DCTN5: variants seen among roughly 807,000 people sequenced by gnomAD.
DCTN5 encodes dynactin subunit 5.
In DCTN5, 14 loss-of-function variants were observed where a neutral mutation model predicts 23.5. That is an observed-to-expected ratio of 0.60 (90% CI 0.39 to 0.93). DCTN5 has a LOEUF of 0.93. Among genes scored for constraint, DCTN5 ranks in the 40% least tolerant of loss-of-function variants. DCTN5 has a pLI of 0.00. For missense variants in DCTN5, 156 were observed against 225.9 expected (o/e 0.69, Z 1.98); for synonymous variants, 67 against 79.6 (o/e 0.84, Z 0.84).
intron 5 of DCTN5, 63 bp downstream of exon 5, chr16:23,665,791 C>T: frequency 7.5e-7 from 1 of 1,328,540 alleles, no homozygotes; most frequent in Non-Finnish European, 1.1e-6. Context: ...TTTTCCATCG[C>T]AAAAGTAATG....
chr16:23,645,111 A>T (rs530522617), intron 2 of DCTN5, among the ~76,000 whole-genome samples: 1 of 34,104 alleles, frequency 2.9e-5, no homozygotes, highest in Non-Finnish European at 5.5e-5. Context: ...ATATATATAT[A>T]TATATATATA....
At chr16:23,660,442 G>C (rs936536355) in intron 3 of DCTN5, among the ~76,000 whole-genome samples, 1 of 152,170 alleles carries the variant, frequency 6.6e-6, no homozygotes, top group African/African-American at 2.4e-5. Context: ...GACATTTGAG[G>C]AACCCTAGAG....
At chr16:23,666,901 AAGCACT>A in intron 5 of DCTN5, 140 bp from the exon 6 acceptor site, 1 of 1,309,456 alleles carries the variant, frequency 7.6e-7, no homozygotes, top group Non-Finnish European at 1.0e-6. Context: ...TGTTCTTAGC[AAGCACT>A]GGACCAGAAC....
rs1450341376 is a variant in DCTN5, at chr16:23,667,080, A to C, written c.485A>C (p.Gln162Pro). The C allele has an allele frequency of 6.2e-7, 1 of 1,613,676 alleles. No individual in the cohort carries two copies. The highest frequency in any genetic ancestry group is 8.5e-7 in the Non-Finnish European group (1 of 1,180,020). The change falls in exon 6 of 6, where the codon CAG becomes CCG. Residue 162 changes from glutamine (Q) to proline (P), a missense_variant. This residue lies in a region of DCTN5 where 153 missense variants were observed against 206.8 expected (regional missense o/e 0.74). Coordinates refer to ENST00000300087, the MANE Select transcript of DCTN5 (RefSeq NM_032486.4). Reference protein sequence around the residue: ...LFSGELPECTQELMIDVTKSY... With the variant: ...LFSGELPECTPELMIDVTKSY... ...TCAGGGGAGCTCCCGGAGTGCACTC[A>C]GGAGCTGATGATTGACGTCACCAAG... is the stretch of plus-strand genomic sequence containing the variant.
intron 2 of DCTN5, among the ~76,000 whole-genome samples, chr16:23,644,244 C>T (rs775847291): frequency 1.3e-5 from 2 of 151,726 alleles, no homozygotes; most frequent in Non-Finnish European, 2.9e-5. Context: ...TCTCCTGCCT[C>T]AGCCTCCAGA....
At chr16:23,658,116 T>C (rs1967743651) in intron 2 of DCTN5, among the ~76,000 whole-genome samples, 1 of 152,196 alleles carries the variant, frequency 6.6e-6, no homozygotes, top group Non-Finnish European at 1.5e-5. Flanking sequence ...AGGTGTAGTG[T>C]TAAGAAAGAA....
intron 3 of DCTN5, 51 bp from the exon 4 acceptor site, chr16:23,661,119 C>A (rs778101514): frequency 7.5e-6 from 10 of 1,326,336 alleles, no homozygotes; most frequent in Non-Finnish European, 1.1e-5. Context: ...AACCTTGACC[C>A]AAAGTACATC....
intron 2 of DCTN5, among the ~76,000 whole-genome samples, chr16:23,649,837 C>CAAAAAAAAA (rs1175500177): frequency 1.8e-5 from 1 of 55,972 alleles, no homozygotes; most frequent in African/African-American, 5.5e-5. Context: ...GACTCTGTCT[C>CAAAAAAAAA]AAAAAAAAAA....
intron 2 of DCTN5, among the ~76,000 whole-genome samples, chr16:23,645,084 T>C (rs1257990340): frequency 2.9e-4 from 3 of 10,194 alleles, no homozygotes; most frequent in South Asian, 7.9e-3. Flanking sequence ...CCAGCCTAAC[T>C]ATATATATAT....
In DCTN5 at chr16:23,669,082, C is replaced by CT. The variant is rs1275513482; in HGVS notation, c.*1939dup. ...TATCCTAGGAAAGGCGAGCTGGACT[C>CT]TGTCTCCATGGTGGCTCTCACCCCA... On this transcript the variant is annotated 3_prime_UTR_variant, in exon 6 of 6. Coordinates refer to ENST00000300087, the MANE Select transcript of DCTN5 (RefSeq NM_032486.4). 6.5e-6 allele frequency: 1 copy of CT among 152,682 alleles called. No individual in the cohort carries two copies. The allele number at this position is 152,682 out of a possible 1,614,324, so 9.5% of individuals were successfully genotyped here. A position where few individuals can be genotyped will look rare whatever the true frequency, so the allele number is the denominator to read the frequency against.
intron 1 of DCTN5, among the ~76,000 whole-genome samples, chr16:23,642,386 C>G (rs563766546): frequency 6.6e-6 from 1 of 152,342 alleles, no homozygotes; most frequent in South Asian, 2.1e-4. Flanking sequence ...GGCCGTAAAG[C>G]CCACGCGTGG....
chr16:23,663,061 C>T (rs1967843834), intron 4 of DCTN5, among the ~76,000 whole-genome samples: 1 of 152,202 alleles, frequency 6.6e-6, no homozygotes, highest in Non-Finnish European at 1.5e-5. Flanking sequence ...CTGGAAGTAA[C>T]TCTTTTAGTC....
At chr16:23,660,702 C>A (rs1567232751) in intron 3 of DCTN5, among the ~76,000 whole-genome samples, 1 of 152,186 alleles carries the variant, frequency 6.6e-6, no homozygotes, top group Non-Finnish European at 1.5e-5. Flanking sequence ...GCCCTAATTT[C>A]TAGCATTGAG....
chr16:23,665,441 A>G (rs186190379), intron 4 of DCTN5, among the ~76,000 whole-genome samples, 185 bp from the exon 5 acceptor site: 1 of 152,322 alleles, frequency 6.6e-6, no homozygotes, highest in East Asian at 1.9e-4. Flanking sequence ...CGAAATGTAC[A>G]CAAACACACA....
chr16:23,661,041 G>T, intron 3 of DCTN5, 129 bp from the exon 4 acceptor site: 2 of 496,954 alleles, frequency 4.0e-6, no homozygotes, highest in Non-Finnish European at 7.0e-6. Context: ...CTAGCCTGAG[G>T]TTTCTTTCCT....
At chr16:23,648,715 C>T (rs1184034186) in intron 2 of DCTN5, among the ~76,000 whole-genome samples, 2 of 152,030 alleles carry the variant, frequency 1.3e-5, no homozygotes, top group African/African-American at 4.8e-5. Flanking sequence ...GTTTACATCC[C>T]ACCAACAGTG....
At chr16:23,646,575 A>AT (rs528216995) in intron 2 of DCTN5, among the ~76,000 whole-genome samples, 4,206 of 146,952 alleles carry the variant, frequency 0.029, 82 homozygotes, top group Middle Eastern at 0.097. Flanking sequence ...TTTTGAGTTA[A>AT]TTTTTTTTTT....
At chr16:23,658,018 G>A (rs971393998) in intron 2 of DCTN5, among the ~76,000 whole-genome samples, 3 of 152,222 alleles carry the variant, frequency 2.0e-5, no homozygotes, top group African/African-American at 7.2e-5. Flanking sequence ...CTTACACTTT[G>A]CAGTGTAGCA....
intron 2 of DCTN5, among the ~76,000 whole-genome samples, chr16:23,655,199 CT>C (rs1341611034): frequency 6.6e-6 from 1 of 151,992 alleles, no homozygotes; most frequent in African/African-American, 2.4e-5. Flanking sequence ...CATTATGGAA[CT>C]TTTAAGACAT....
Sources: allele counts gnomAD v4.1 joint callset (sites outside exome capture counted in the v4.1 genomes callset), GRCh38; gene constraint gnomAD v4.1.1; regional missense constraint gnomAD v4.1.1; transcripts MANE v1.5; gene names NCBI Gene and HGNC (gene_info 2026-07-23, HGNC 2026-07-21).